The following PUDP variants were observed in gnomAD, a reference collection of about 807,000 sequenced individuals.
The protein encoded by PUDP is pseudouridine-5'-phosphatase.
A neutral mutation model predicts 9.4 loss-of-function variants in PUDP; 8 were observed. That is an observed-to-expected ratio of 0.85 (90% confidence interval 0.50 to 1.53). PUDP has a LOEUF of 1.53. Ranked by LOEUF, PUDP falls within the 40% of genes most tolerant of loss-of-function variation. PUDP has a pLI of 0.00. For synonymous variants in PUDP, 99 were observed against 80.7 expected (o/e 1.23, Z -1.22); for missense variants, 188 against 189.7 (o/e 0.99, Z 0.05).
intron 3 of PUDP, among the ~76,000 whole-genome samples, chrX:6,955,850 G>A (rs187227039): frequency 2.1e-3 from 209 of 101,057 alleles, no homozygotes; most frequent in Non-Finnish European, 3.3e-3. Context: ...TATAGGGCTT[G>A]TATATTACCC....
intron 1 of PUDP, among the ~76,000 whole-genome samples, chrX:7,124,542 C>A (rs1020305537): frequency 9.0e-5 from 10 of 111,085 alleles, no homozygotes; most frequent in African/African-American, 3.3e-4. Context: ...CCTCCAGAAA[C>A]AAACAGAGCC....
chrX:6,829,183 C>T (rs1416099529), intron 3 of PUDP, among the ~76,000 whole-genome samples: 5 of 111,278 alleles, frequency 4.5e-5, no homozygotes, highest in Non-Finnish European at 9.4e-5. Flanking sequence ...GGACTGTGAG[C>T]AATAAATTTA....
intron 2 of PUDP, among the ~76,000 whole-genome samples, chrX:7,080,867 C>G (rs1454221564): frequency 9.7e-6 from 1 of 103,562 alleles, no homozygotes; most frequent in East Asian, 3.0e-4. Flanking sequence ...TGCAGTGAGC[C>G]GACATAGCGC....
At chrX:6,986,326 C>T (rs1485685627) in intron 1 of PUDP, among the ~76,000 whole-genome samples, 3 of 111,534 alleles carry the variant, frequency 2.7e-5, no homozygotes, top group African/African-American at 9.8e-5. Flanking sequence ...GGTCTGGATC[C>T]GGACCCCTTT....
chrX:6,733,077 G>C lies in PUDP; in HGVS notation c.*248-26611C>G, dbSNP rs1472892184. ...GAGAAGGGGCATGGATTGAGCCACT[G>C]GGCCTGTGCTGACTCCAGCCTTTGC... On this transcript the variant is annotated intron_variant and NMD_transcript_variant, in intron 3 of 3. Coordinates refer to the PUDP transcript ENST00000655425. Among the ~76,000 whole-genome samples, 4 of 112,545 alleles carry C rather than the reference G, an allele frequency of 3.6e-5. No individual in the cohort carries two copies. The South Asian group carries it at 1.5e-3, about 41-fold the overall frequency.
At chrX:7,087,889 C>T (rs779873897) in intron 2 of PUDP, among the ~76,000 whole-genome samples, 105 of 111,472 alleles carry the variant, frequency 9.4e-4, no homozygotes, top group African/African-American at 3.0e-3. Context: ...TAATGTTCTC[C>T]GGGGTCACTG....
At chrX:6,866,080 AG>A (rs1927079322) in intron 3 of PUDP, among the ~76,000 whole-genome samples, 1 of 110,513 alleles carries the variant, frequency 9.0e-6, no homozygotes, top group African/African-American at 3.3e-5. Context: ...GCCACCATGC[AG>A]GACTATTTTT....
chrX:6,968,455 G>T (rs1259676711), intron 3 of PUDP, among the ~76,000 whole-genome samples: 1 of 111,122 alleles, frequency 9.0e-6, no homozygotes, highest in Non-Finnish European at 1.9e-5. Context: ...GGGCAGGGGG[G>T]TGTGAGTCAC....
intron 3 of PUDP, among the ~76,000 whole-genome samples, chrX:6,775,572 A>G (rs1287637489): frequency 1.8e-5 from 2 of 110,780 alleles, no homozygotes; most frequent in African/African-American, 6.6e-5. Context: ...GCTGGTTCAT[A>G]TGGTACCATA....
At chrX:6,940,890 T>C (rs1928388562) in intron 3 of PUDP, among the ~76,000 whole-genome samples, 1 of 112,151 alleles carries the variant, frequency 8.9e-6, no homozygotes, top group Admixed American at 9.5e-5. Flanking sequence ...AGATATGTAT[T>C]TCAATTTTCA....
intron 3 of PUDP, among the ~76,000 whole-genome samples, chrX:6,814,732 C>G (rs1172608836): frequency 8.9e-6 from 1 of 111,893 alleles, no homozygotes; most frequent in Non-Finnish European, 1.9e-5. Context: ...ACACAACATC[C>G]TGCTTCCTAA....
chrX:7,081,638 C>A (rs762153759), intron 2 of PUDP, among the ~76,000 whole-genome samples: 74 of 112,715 alleles, frequency 6.6e-4, no homozygotes, highest in Non-Finnish European at 8.6e-4. Context: ...ATACTGAGAT[C>A]TCCAAAATGC....
At position 6,719,807 on chromosome X, in the gene PUDP, T is replaced by G. The variant is rs377765380; in HGVS notation, n.128+1610A>C. 1.6e-4 allele frequency among the ~76,000 whole-genome samples: 18 copies of G among 112,206 alleles called. No homozygotes were observed. In the South Asian group the frequency reaches 5.9e-3, roughly 37 times the overall value. The stretch of plus-strand genomic sequence containing the variant: ...AATAATTTTCTCAATTAATATTCTT[T>G]AAGATGAATTTTGAAGTGGATGTTT... On this transcript the variant is annotated intron_variant and non_coding_transcript_variant, in intron 1 of 2. Coordinates refer to the PUDP transcript ENST00000438499.
At chrX:7,069,128 G>A (rs1454392349) in intron 3 of PUDP, among the ~76,000 whole-genome samples, 1 of 111,925 alleles carries the variant, frequency 8.9e-6, no homozygotes, top group Non-Finnish European at 1.9e-5. Flanking sequence ...GAGAAACAGT[G>A]GGAGCAGTGG....
At chrX:7,009,518 A>G (rs1363878798) in intron 1 of PUDP, among the ~76,000 whole-genome samples, 2 of 112,415 alleles carry the variant, frequency 1.8e-5, no homozygotes, top group African/African-American at 6.5e-5. Flanking sequence ...GAATGGAAAG[A>G]TTGCATAAAA....
chrX:7,110,081 T>C (rs1415925299), intron 1 of PUDP, among the ~76,000 whole-genome samples: 1 of 112,166 alleles, frequency 8.9e-6, no homozygotes, highest in African/African-American at 3.2e-5. Context: ...GTGGAAGCTC[T>C]GAAGAAGCTA....
chrX:6,945,176 G>A (rs1194565407), intron 3 of PUDP, among the ~76,000 whole-genome samples: 1 of 111,158 alleles, frequency 9.0e-6, no homozygotes, highest in Non-Finnish European at 1.9e-5. Context: ...CTGCAATCCT[G>A]ATGTCAGTGT....
intron 3 of PUDP, among the ~76,000 whole-genome samples, chrX:6,941,401 C>T (rs1328677902): frequency 1.1e-5 from 1 of 88,505 alleles, no homozygotes; most frequent in Non-Finnish European, 2.1e-5. Context: ...AGTGCAGTGA[C>T]ACAATTATAG....
Position 7,050,363 on chromosome X carries a change from G to A in PUDP, c.620C>T (p.Ala207Val), listed in dbSNP as rs1226532772. The A allele has an allele frequency of 1.7e-6, 2 of 1,211,479 alleles. No individual in the cohort carries two copies. The highest frequency in any genetic ancestry group is 3.0e-5 in the East Asian group (1 of 33,829). Residue 207 changes from alanine (A) to valine (V), a missense_variant, in exon 4 of 4, where the codon GCC becomes GTC. By Grantham distance (64) the Ala-to-Val change is moderately conservative (BLOSUM62 0). Coordinates refer to ENST00000381077, the MANE Select transcript of PUDP (RefSeq NM_012080.5). ...GNLSRDLTTK[A>V]TLVLNSLQDF... ...CTGCAGGGAATTCAGCACCAGGGTG[G>A]CCTTTGTTGTCAGATCTCGGCTCAA...
Sources: allele counts gnomAD v4.1 joint callset (sites outside exome capture counted in the v4.1 genomes callset), GRCh38; gene constraint gnomAD v4.1.1; transcripts MANE v1.5; gene names NCBI Gene and HGNC (gene_info 2026-07-23, HGNC 2026-07-21).